Variants in ANKRD50 observed in about 807,000 individuals in gnomAD.
The protein encoded by ANKRD50 is ankyrin repeat domain-containing protein 50.
In ANKRD50, 40 loss-of-function variants were observed where a neutral mutation model predicts 112.0. The ratio of observed to expected loss-of-function variants is 0.36; its 90% CI spans 0.28 to 0.46. ANKRD50 has a LOEUF of 0.46. Among genes scored for constraint, ANKRD50 ranks in the 20% least tolerant of loss-of-function variants. The probability of loss-of-function intolerance (pLI) is 1.00; values close to 1 mark genes in which losing one functional copy is unlikely to be tolerated. For synonymous variants in ANKRD50, 613 were observed against 619.1 expected, an observed-to-expected ratio of 0.99 and a Z score of 0.15; for missense variants, 1,487 against 1,701.7, an observed-to-expected ratio of 0.87 and a Z score of 2.22.
chr4:124,707,010 G>A (rs1725521246), intron 2 of ANKRD50, among the ~76,000 whole-genome samples: 1 of 152,140 alleles, frequency 6.6e-6, no homozygotes, highest in South Asian at 2.1e-4. Flanking sequence ...AGAATCTTAA[G>A]TTGAACTATT....
chr4:124,670,576 C>T lies in ANKRD50; in HGVS notation c.2701G>A (p.Glu901Lys). The change falls in exon 4 of 5, where the codon GAA (glutamate) becomes AAA (lysine). Residue 901 changes from glutamate (E) to lysine (K), a missense_variant. Physicochemically the swap from Glu to Lys is moderately conservative, Grantham distance 56. Transcript: ENST00000504087. ...GHYDCVQILL[E>K]NKSNIDQRGY... The stretch of plus-strand genomic sequence containing the variant: ...CTTTGATCAATGTTGGATTTGTTTT[C>T]CAGTAATATTTGAACACAATCATAA... 6.2e-7 allele frequency: 1 copy of T among 1,612,834 alleles called. No individual in the cohort carries two copies. The highest frequency in any genetic ancestry group is 8.5e-7 in the Non-Finnish European group (1 of 1,179,652).
At chr4:124,694,800 G>C (rs1471209329) in intron 2 of ANKRD50, among the ~76,000 whole-genome samples, 3 of 152,082 alleles carry the variant, frequency 2.0e-5, no homozygotes, top group Non-Finnish European at 4.4e-5. Context: ...GATCATACTG[G>C]GGATGGGGAA....
At chr4:124,676,352 AAATAAT>A (rs942593371) in intron 3 of ANKRD50, among the ~76,000 whole-genome samples, 1 of 151,702 alleles carries the variant, frequency 6.6e-6, no homozygotes, top group African/African-American at 2.4e-5. Context: ...ATATAATTTA[AAATAAT>A]AATAATGATG....
chr4:124,705,543 C>A (rs1725486126), intron 2 of ANKRD50, among the ~76,000 whole-genome samples: 1 of 152,068 alleles, frequency 6.6e-6, no homozygotes, highest in Non-Finnish European at 1.5e-5. Context: ...ACACTAAGAA[C>A]AAAAATTTGT....
In ANKRD50 at chr4:124,670,643, A is replaced by C. The variant is rs953266621; in HGVS notation, c.2634T>G (p.Asn878Lys). The change falls in exon 4 of 5, where the codon AAT becomes AAG. Residue 878 changes from asparagine to lysine, a missense_variant. Physicochemically the swap from Asn to Lys is moderately conservative, Grantham distance 94. Transcript: ENST00000504087. ...EQGARTNEID[N>K]DGRIPFILAS... ...CTAATATGAAAGGGATTCGTCCATC[A>C]TTGTCAATCTCATTTGTTCTAGCAC... The C allele has an allele frequency of 6.2e-7, 1 of 1,613,566 alleles. No homozygotes were observed. The highest frequency in any genetic ancestry group is 1.7e-5 in the Admixed American group (1 of 59,880).
chr4:124,706,159 A>T (rs1049677360), intron 2 of ANKRD50, among the ~76,000 whole-genome samples: 1 of 152,116 alleles, frequency 6.6e-6, no homozygotes, highest in Non-Finnish European at 1.5e-5. Flanking sequence ...ATGAAGGCAG[A>T]ATTCTGTCTG....
At chr4:124,696,567 A>C (rs1194818463) in intron 2 of ANKRD50, among the ~76,000 whole-genome samples, 1 of 152,114 alleles carries the variant, frequency 6.6e-6, no homozygotes, top group African/African-American at 2.4e-5. Context: ...ACATTTTGGC[A>C]TGTCATGCCA....
At position 124,710,942 on chromosome 4, in the gene ANKRD50, T is replaced by C. The variant is rs1223273032; in HGVS notation, c.-431A>G. On this transcript the variant is annotated 5_prime_UTR_variant, in exon 2 of 5. Coordinates refer to ENST00000504087, the MANE Select transcript of ANKRD50 (RefSeq NM_020337.3). Reference sequence around the variant, plus strand: ...CAAGTGTTAATTCTGCATCTGACAATTAGATTCTGAAAAGAGGTCCACTGC... The same window carrying C: ...CAAGTGTTAATTCTGCATCTGACAACTAGATTCTGAAAAGAGGTCCACTGC... 1 of 419,290 alleles carries C rather than the reference T, an allele frequency of 2.4e-6. No homozygotes were observed. Among genetic ancestry groups the C allele is most frequent in the African/African-American group, 2.0e-5 (1 of 49,180 alleles). The allele number at this position is 419,290 out of a possible 1,614,324, so 26.0% of individuals were successfully genotyped here.
At position 124,671,952 on chromosome 4, in the gene ANKRD50, C is replaced by G. The variant is rs1480432369; in HGVS notation, c.1325G>C (p.Cys442Ser). The G allele has an allele frequency of 2.5e-6, 4 of 1,613,870 alleles. No individual in the cohort carries two copies. The Middle Eastern group carries it at 5.0e-4, about 200-fold the overall frequency. Residue 442 changes from cysteine (C) to serine (S), a missense_variant, in exon 4 of 5, where the codon TGT becomes TCT. This residue lies in a region of ANKRD50 where 1,046 missense variants were observed against 1,269.5 expected (regional missense o/e 0.82). Coordinates refer to ENST00000504087, the MANE Select transcript of ANKRD50 (RefSeq NM_020337.3). ...CAATGGTGTTAAATTCTTGGCTTGA[C>G]AGGTATAACTCATAGCCAACATTCT... The part of the protein sequence containing the change: ...GHRMLAMSYT[C>S]QAKNLTPLEA...
At chr4:124,699,831 A>C (rs1725348035) in intron 2 of ANKRD50, among the ~76,000 whole-genome samples, 1 of 151,900 alleles carries the variant, frequency 6.6e-6, no homozygotes, top group Admixed American at 6.5e-5. Context: ...AAAGCAATAA[A>C]AATTACCAGT....
intron 3 of ANKRD50, among the ~76,000 whole-genome samples, chr4:124,675,264 G>A (rs565104194): frequency 5.3e-5 from 8 of 151,618 alleles, no homozygotes; most frequent in African/African-American, 1.7e-4. Flanking sequence ...TCAGGGTACC[G>A]CATTACGCAG....
chr4:124,684,535 T>A (rs773799064), intron 2 of ANKRD50, among the ~76,000 whole-genome samples: 3 of 152,182 alleles, frequency 2.0e-5, no homozygotes, highest in Non-Finnish European at 4.4e-5. Context: ...TATGCTTATC[T>A]GGGTCCAGGA....
chr4:124,711,685 G>C (rs188378902), intron 1 of ANKRD50, among the ~76,000 whole-genome samples: 1 of 151,384 alleles, frequency 6.6e-6, no homozygotes, highest in East Asian at 2.0e-4. Flanking sequence ...TACTCCTCCA[G>C]CCACACTTCT....
chr4:124,670,914 G>A lies in ANKRD50; in HGVS notation c.2363C>T (p.Ala788Val). ...DNNGRTPLLA[A>V]ASMGHASVVN... ...AACTGATGCATGACCCATAGACGCT[G>A]CTGCTAAGAGGGGTGTACGGCCATT... The change falls in exon 4 of 5, where the codon GCA becomes GTA. Residue 788 changes from alanine to valine, a missense_variant. By Grantham distance (64) the Ala-to-Val change is moderately conservative. Around this residue, in one of 2 missense-constraint regions of ANKRD50, gnomAD observed 1,046 missense variants for 1,269.5 expected, o/e 0.82. Transcript: ENST00000504087. 1 of 1,613,834 alleles carries A rather than the reference G, an allele frequency of 6.2e-7. No individual in the cohort carries two copies.
rs1730458692 is a variant in ANKRD50 at position 124,665,146 on chromosome 4, G to C, written c.*2372C>G. On this transcript the variant is annotated 3_prime_UTR_variant, in exon 5 of 5. Transcript: ENST00000504087. ...CATTTATAGTATTAAATCCCCCACA[G>C]AAACAAATAAGCAAGGCAGGGCATC... 6.6e-6 allele frequency: 1 copy of C among 151,942 alleles called. No individual in the cohort carries two copies. Among genetic ancestry groups the C allele is most frequent in the African/African-American group, 2.4e-5 (1 of 41,398 alleles). The allele number at this position is 151,942 out of a possible 1,614,324, so 9.4% of individuals were successfully genotyped here.
Position 124,669,039 on chromosome 4 carries a change from T to C in ANKRD50, c.4238A>G (p.Gln1413Arg), listed in dbSNP as rs771895625. The C allele has an allele frequency of 6.2e-7, 1 of 1,612,408 alleles. No homozygotes were observed. The part of the protein sequence containing the change: ...ELSLKQALKL[Q>R]IEGSDPSFNY... ...GAAGCTAGGGTCAGAACCTTCAATC[T>C]GAAGCTTCAGAGCTTGTTTAAGGCT... Residue 1413 changes from glutamine to arginine, a missense_variant, in exon 4 of 5, where the codon CAG (glutamine) becomes CGG (arginine). Gln to Arg is a conservative substitution (Grantham distance 43). Transcript: ENST00000504087.
At chr4:124,700,720 T>C (rs1004644039) in intron 2 of ANKRD50, among the ~76,000 whole-genome samples, 5 of 152,184 alleles carry the variant, frequency 3.3e-5, no homozygotes, top group Non-Finnish European at 7.3e-5. Context: ...TAACAAGCAT[T>C]TTAGCTTTCT....
chr4:124,691,266 G>C (rs542853651), intron 2 of ANKRD50, among the ~76,000 whole-genome samples: 1 of 152,108 alleles, frequency 6.6e-6, no homozygotes, highest in East Asian at 1.9e-4. Context: ...GCCGAGGCGG[G>C]TGGATCATGA....
intron 2 of ANKRD50, among the ~76,000 whole-genome samples, chr4:124,708,691 T>TACAC (rs10558584): frequency 0.011 from 1,647 of 145,642 alleles, 16 homozygotes; most frequent in African/African-American, 0.025. Flanking sequence ...TACTAACACA[T>TACAC]ACACACACAC....
Sources: allele counts gnomAD v4.1 joint callset (sites outside exome capture counted in the v4.1 genomes callset), GRCh38; gene constraint gnomAD v4.1.1; regional missense constraint gnomAD v4.1.1; transcripts MANE v1.5; gene names NCBI Gene and HGNC (gene_info 2026-07-23, HGNC 2026-07-21).